IMMP2L: variants seen among roughly 807,000 people sequenced by gnomAD.
The protein encoded by IMMP2L is inner mitochondrial membrane peptidase subunit 2, also known as mitochondrial inner membrane protease subunit 2.
IMMP2L carries 18 observed loss-of-function variants against 19.3 expected under a neutral mutation model. That is an observed-to-expected ratio of 0.93 (90% CI 0.64 to 1.38). The LOEUF (loss-of-function observed/expected upper bound fraction) is 1.38. IMMP2L is among the 40% of genes most tolerant of loss of function. The pLI, the probability that IMMP2L is intolerant of heterozygous loss-of-function variation, is 0.00. For synonymous variants in IMMP2L, 76 were observed against 73.0 expected (o/e 1.04, Z -0.21); for missense variants, 233 against 218.2 (o/e 1.07, Z -0.43).
intron 3 of IMMP2L, among the ~76,000 whole-genome samples, chr7:111,359,822 A>G (rs1299464630): frequency 1.3e-5 from 2 of 152,150 alleles, no homozygotes; most frequent in East Asian, 3.8e-4. Flanking sequence ...TGAATGTTAA[A>G]GAAGAGGAAA....
At chr7:111,421,547 A>G (rs1309360419) in intron 3 of IMMP2L, among the ~76,000 whole-genome samples, 2 of 151,234 alleles carry the variant, frequency 1.3e-5, no homozygotes, top group African/African-American at 2.4e-5. Flanking sequence ...TGGGATTACA[A>G]GCGTGAGCCA....
intron 3 of IMMP2L, among the ~76,000 whole-genome samples, chr7:110,976,296 A>C (rs2129557316): frequency 6.6e-6 from 1 of 152,176 alleles, no homozygotes; most frequent in South Asian, 2.1e-4. Context: ...CATAATACAT[A>C]TACGAAGATA....
intron 3 of IMMP2L, among the ~76,000 whole-genome samples, chr7:111,304,802 T>C (rs2130104321): frequency 6.6e-6 from 1 of 151,370 alleles, no homozygotes; most frequent in Non-Finnish European, 1.5e-5. Context: ...TTAAAAAATA[T>C]ATAATTAGAA....
chr7:110,819,554 T>A (rs1403959075), intron 5 of IMMP2L, among the ~76,000 whole-genome samples: 1 of 152,014 alleles, frequency 6.6e-6, no homozygotes, highest in East Asian at 1.9e-4. Flanking sequence ...ACCCAAACCA[T>A]CACTATCACA....
chr7:110,837,909 A>G (rs1156830786), intron 5 of IMMP2L, among the ~76,000 whole-genome samples: 1 of 152,112 alleles, frequency 6.6e-6, no homozygotes, highest in Non-Finnish European at 1.5e-5. Flanking sequence ...GTAAATTGCA[A>G]TTTATATGTT....
At chr7:110,914,622 T>C (rs931870794) in intron 4 of IMMP2L, among the ~76,000 whole-genome samples, 2 of 152,164 alleles carry the variant, frequency 1.3e-5, no homozygotes, top group Non-Finnish European at 2.9e-5. Flanking sequence ...ACCCAAGCTT[T>C]ACCATAAATG....
At chr7:110,671,568 A>G (rs916391601) in intron 5 of IMMP2L, among the ~76,000 whole-genome samples, 1 of 152,110 alleles carries the variant, frequency 6.6e-6, no homozygotes, top group Non-Finnish European at 1.5e-5. Flanking sequence ...CCTGTCTTTG[A>G]TTGAGTTGGC....
At chr7:110,753,040 G>T (rs539632782) in intron 5 of IMMP2L, among the ~76,000 whole-genome samples, 3 of 152,182 alleles carry the variant, frequency 2.0e-5, no homozygotes, top group East Asian at 3.9e-4. Context: ...ACTTATAATG[G>T]AGTATGGAGT....
chr7:111,205,282 T>C (rs1259181147), intron 3 of IMMP2L, among the ~76,000 whole-genome samples: 1 of 152,190 alleles, frequency 6.6e-6, no homozygotes, highest in Non-Finnish European at 1.5e-5. Context: ...CTTAATACTA[T>C]CACATTGGTG....
chr7:111,110,446 G>C (rs1388682093), intron 3 of IMMP2L, among the ~76,000 whole-genome samples: 1 of 152,080 alleles, frequency 6.6e-6, no homozygotes, highest in African/African-American at 2.4e-5. Context: ...TACCAGGAAT[G>C]ATCACAAATA....
intron 3 of IMMP2L, among the ~76,000 whole-genome samples, chr7:111,269,275 T>C (rs1818189167): frequency 6.6e-6 from 1 of 152,224 alleles, no homozygotes; most frequent in African/African-American, 2.4e-5. Flanking sequence ...TATTATTATA[T>C]TGTCTCATCA....
intron 5 of IMMP2L, among the ~76,000 whole-genome samples, chr7:110,775,976 C>T (rs1799359993): frequency 6.6e-6 from 1 of 150,482 alleles, no homozygotes. Flanking sequence ...AAAAAAAACG[C>T]ATGAAAAATA....
At chr7:111,235,693 T>C (rs1814225311) in intron 3 of IMMP2L, among the ~76,000 whole-genome samples, 1 of 151,976 alleles carries the variant, frequency 6.6e-6, no homozygotes, top group South Asian at 2.1e-4. Flanking sequence ...TTCTTGTGCT[T>C]GGGGTTTTTT....
intron 4 of IMMP2L, among the ~76,000 whole-genome samples, chr7:110,888,176 C>T (rs533275603): frequency 1.2e-4 from 18 of 152,196 alleles, no homozygotes; most frequent in African/African-American, 3.4e-4. Flanking sequence ...AGAAAGTTTT[C>T]AGCTTTTTAA....
At chr7:111,338,718 A>G (rs1286879021) in intron 3 of IMMP2L, among the ~76,000 whole-genome samples, 6 of 152,216 alleles carry the variant, frequency 3.9e-5, no homozygotes, top group African/African-American at 1.4e-4. Context: ...TCTGTGAGGT[A>G]TTATTGTCTT....
rs945796798 is a variant in IMMP2L, at chr7:111,535,286, CA to C, written c.-2-13838del. On this transcript the variant is annotated intron_variant, in intron 1 of 5. Transcript: ENST00000405709. ...TTCCATATCAAAAAGAAACAAAAAA[CA>C]AAAAAAGGAAGCAAAAAGGAGAAAT... is the stretch of plus-strand genomic sequence containing the variant. Among the ~76,000 whole-genome samples the C allele has an allele frequency of 3.6e-5, 5 of 139,516 alleles. No homozygotes were observed. In the Admixed American group the frequency reaches 3.6e-4, roughly 10 times the overall value. The allele number at this position is 139,516 out of a possible 152,430, so 91.5% of individuals were successfully genotyped here.
At chr7:111,472,843 C>A (rs1269099120) in intron 3 of IMMP2L, among the ~76,000 whole-genome samples, 1 of 151,924 alleles carries the variant, frequency 6.6e-6, no homozygotes, top group Admixed American at 6.6e-5. Flanking sequence ...TGCCTGTAAT[C>A]CCAGCACTTT....
chr7:111,188,604 T>C (rs1461916471), intron 3 of IMMP2L, among the ~76,000 whole-genome samples: 1 of 152,124 alleles, frequency 6.6e-6, no homozygotes, highest in Non-Finnish European at 1.5e-5. Context: ...TAAGAGCTTA[T>C]TAGACGGCTC....
chr7:110,875,260 T>G (rs1808951786), intron 5 of IMMP2L, among the ~76,000 whole-genome samples: 1 of 152,184 alleles, frequency 6.6e-6, no homozygotes, highest in South Asian at 2.1e-4. Flanking sequence ...GATAACACAT[T>G]AAATCTAAAA....
Sources: allele counts gnomAD v4.1 joint callset (sites outside exome capture counted in the v4.1 genomes callset), GRCh38; gene constraint gnomAD v4.1.1; transcripts MANE v1.5; gene names NCBI Gene and HGNC (gene_info 2026-07-23, HGNC 2026-07-21).